DAAM1: variants seen among roughly 807,000 people sequenced by gnomAD.
DAAM1 encodes the protein dishevelled associated activator of morphogenesis 1.
Under a neutral mutation model 130.0 loss-of-function variants are expected in DAAM1, and 52 were observed. The observed-to-expected ratio is 0.40, with a 90% CI of 0.32 to 0.50. The LOEUF is 0.50. Among genes scored for constraint, DAAM1 ranks in the 20% least tolerant of loss-of-function variants. DAAM1 has a pLI of 0.61. For missense variants in DAAM1, 1,134 were observed against 1,303.8 expected, an observed-to-expected ratio of 0.87 and a Z score of 2.01; for synonymous variants, 452 against 444.5, an observed-to-expected ratio of 1.02 and a Z score of -0.21.
intron 1 of DAAM1, among the ~76,000 whole-genome samples, chr14:59,240,270 T>C (rs1889435780): frequency 6.6e-6 from 1 of 152,178 alleles, no homozygotes; most frequent in African/African-American, 2.4e-5. Flanking sequence ...ATTGTAAAAC[T>C]ATGATATCTT....
chr14:59,217,608 A>G (rs189030424), intron 1 of DAAM1, among the ~76,000 whole-genome samples: 2 of 151,978 alleles, frequency 1.3e-5, no homozygotes, highest in African/African-American at 4.8e-5. Flanking sequence ...AGGCCGAGGA[A>G]GGAGGATTGC....
chr14:59,358,600 T>C (rs1886577385), intron 20 of DAAM1, among the ~76,000 whole-genome samples: 1 of 152,056 alleles, frequency 6.6e-6, no homozygotes, highest in Non-Finnish European at 1.5e-5. Flanking sequence ...CCCAGCACTT[T>C]GGGAGGCCGA....
intron 2 of DAAM1, among the ~76,000 whole-genome samples, chr14:59,270,218 G>A (rs1566677089): frequency 2.0e-5 from 3 of 152,136 alleles, no homozygotes; most frequent in Non-Finnish European, 4.4e-5. Flanking sequence ...CTGAGGCTGG[G>A]TAATTTATAG....
intron 3 of DAAM1, among the ~76,000 whole-genome samples, chr14:59,293,089 C>T (rs917827703): frequency 1.3e-5 from 2 of 152,008 alleles, no homozygotes; most frequent in African/African-American, 4.8e-5. Flanking sequence ...CCTCAAGTTG[C>T]GGGTATACAC....
intron 2 of DAAM1, among the ~76,000 whole-genome samples, chr14:59,275,883 G>A (rs1882943141): frequency 2.0e-5 from 3 of 152,192 alleles, no homozygotes; most frequent in Non-Finnish European, 4.4e-5. Flanking sequence ...GTAGGTGGTG[G>A]TGAGTCATAT....
chr14:59,353,058 A>C (rs1406984672), intron 18 of DAAM1, among the ~76,000 whole-genome samples: 1 of 152,184 alleles, frequency 6.6e-6, no homozygotes, highest in Non-Finnish European at 1.5e-5. Flanking sequence ...AGCCCCCATA[A>C]CTGAACAACC....
intron 15 of DAAM1, among the ~76,000 whole-genome samples, chr14:59,339,673 C>T (rs1885769349): frequency 6.6e-6 from 1 of 152,096 alleles, no homozygotes; most frequent in Admixed American, 6.6e-5. Context: ...GTGAATGGGC[C>T]TTGCAAGTGG....
At chr14:59,214,149 T>C (rs1250064726) in intron 1 of DAAM1, among the ~76,000 whole-genome samples, 1 of 152,258 alleles carries the variant, frequency 6.6e-6, no homozygotes, top group East Asian at 1.9e-4. Context: ...ATTGGGGCTG[T>C]AGCTGATTCA....
At chr14:59,353,191 C>T (rs1338022499) in intron 18 of DAAM1, among the ~76,000 whole-genome samples, 5 of 152,064 alleles carry the variant, frequency 3.3e-5, no homozygotes, top group Admixed American at 6.6e-5. Context: ...GCCACAGCTT[C>T]GTAATTGGGT....
chr14:59,354,308 C>A (rs1038705101), intron 19 of DAAM1, among the ~76,000 whole-genome samples: 3 of 152,232 alleles, frequency 2.0e-5, no homozygotes, highest in African/African-American at 7.2e-5. Context: ...GATCTGCCCA[C>A]CTTGGCCTCC....
intron 3 of DAAM1, among the ~76,000 whole-genome samples, chr14:59,298,827 G>C (rs915332406): frequency 6.6e-6 from 1 of 152,064 alleles, no homozygotes; most frequent in African/African-American, 2.4e-5. Context: ...TTACCACTTG[G>C]GTCATTCCAG....
At chr14:59,293,218 G>A (rs761860617) in intron 3 of DAAM1, among the ~76,000 whole-genome samples, 1 of 152,202 alleles carries the variant, frequency 6.6e-6, no homozygotes, top group South Asian at 2.1e-4. Context: ...GAAAATAGGA[G>A]CAGCTTACTG....
intron 19 of DAAM1, among the ~76,000 whole-genome samples, chr14:59,354,731 T>C (rs1327198094): frequency 6.6e-6 from 1 of 152,248 alleles, no homozygotes; most frequent in Non-Finnish European, 1.5e-5. Context: ...CTCTGATCCC[T>C]GTTATGACAC....
At chr14:59,213,319 T>G (rs1888484035) in intron 1 of DAAM1, among the ~76,000 whole-genome samples, 1 of 143,158 alleles carries the variant, frequency 7.0e-6, no homozygotes, top group African/African-American at 2.6e-5. Flanking sequence ...TCCATGAGAT[T>G]TCATTTGTAT....
chr14:59,263,962 C>T, intron 2 of DAAM1: 1 of 438,500 alleles, frequency 2.3e-6, no homozygotes, highest in Non-Finnish European at 4.3e-6. Flanking sequence ...CCTAATTTGT[C>T]TCCATCCCAG....
chr14:59,336,320 T>C (rs935676041), intron 15 of DAAM1, among the ~76,000 whole-genome samples: 1 of 152,182 alleles, frequency 6.6e-6, no homozygotes, highest in African/African-American at 2.4e-5. Flanking sequence ...GCCCTAAGCT[T>C]TATGCCAGAA....
intron 1 of DAAM1, among the ~76,000 whole-genome samples, chr14:59,244,774 G>T (rs1881289451): frequency 6.6e-6 from 1 of 152,128 alleles, no homozygotes. Flanking sequence ...CACTGTCCTG[G>T]TTGCTTTTCC....
intron 1 of DAAM1, among the ~76,000 whole-genome samples, chr14:59,261,491 A>G (rs1266805675): frequency 6.6e-6 from 1 of 152,212 alleles, no homozygotes; most frequent in African/African-American, 2.4e-5. Context: ...CAGGAGACAT[A>G]TGCTTCAACA....
intron 1 of DAAM1, among the ~76,000 whole-genome samples, chr14:59,241,914 T>G (rs930171742): frequency 3.3e-5 from 5 of 152,294 alleles, no homozygotes; most frequent in Non-Finnish European, 1.5e-5. Flanking sequence ...TTCCCCCTCT[T>G]CCTCAAAATT....
Sources: allele counts gnomAD v4.1 joint callset (sites outside exome capture counted in the v4.1 genomes callset), GRCh38; gene constraint gnomAD v4.1.1; transcripts MANE v1.5; gene names NCBI Gene and HGNC (gene_info 2026-07-23, HGNC 2026-07-21).